CDH12: variants seen among roughly 807,000 people sequenced by gnomAD.
CDH12 encodes the protein cadherin 12.
Under a neutral mutation model 74.1 loss-of-function variants are expected in CDH12, and 41 were observed. That is an observed-to-expected ratio of 0.55 (90% CI 0.43 to 0.72). The LOEUF (loss-of-function observed/expected upper bound fraction) is 0.72. Among genes scored for constraint, CDH12 ranks in the 30% least tolerant of loss-of-function variants. The pLI is 0.00. For synonymous variants in CDH12, 399 were observed against 355.0 expected, an observed-to-expected ratio of 1.12 and a Z score of -1.39; for missense variants, 945 against 977.2, an observed-to-expected ratio of 0.97 and a Z score of 0.44.
chr5:22,774,709 T>G (rs1181165142), intron 1 of CDH12, among the ~76,000 whole-genome samples: 1 of 152,096 alleles, frequency 6.6e-6, no homozygotes, highest in Non-Finnish European at 1.5e-5. Flanking sequence ...TTGTGAGTTC[T>G]CCATTAAACC....
At chr5:22,149,506 A>G (rs1371150766) in intron 4 of CDH12, among the ~76,000 whole-genome samples, 2 of 152,170 alleles carry the variant, frequency 1.3e-5, no homozygotes, top group African/African-American at 4.8e-5. Context: ...CCCAAATTGT[A>G]TAAGTACTCA....
At chr5:22,117,464 ATATAATATATATAT>A (rs1328859590) in intron 4 of CDH12, among the ~76,000 whole-genome samples, 12 of 65,606 alleles carry the variant, frequency 1.8e-4, no homozygotes, top group African/African-American at 6.1e-4. Flanking sequence ...TATATTATAT[ATATAATATATATAT>A]TATATATATA....
At chr5:22,161,467 TG>T (rs1488211079) in intron 4 of CDH12, among the ~76,000 whole-genome samples, 2 of 152,004 alleles carry the variant, frequency 1.3e-5, no homozygotes, top group African/African-American at 4.8e-5. Context: ...GAGGCTGTAA[TG>T]GGAGGATCAC....
intron 1 of CDH12, among the ~76,000 whole-genome samples, chr5:22,512,149 T>C (rs1190838072): frequency 6.6e-6 from 1 of 152,084 alleles, no homozygotes. Flanking sequence ...TATTAGAAAA[T>C]ACAGTGAGCC....
chr5:21,903,068 C>T (rs745997088), intron 6 of CDH12, among the ~76,000 whole-genome samples: 9 of 151,820 alleles, frequency 5.9e-5, no homozygotes, highest in Non-Finnish European at 8.8e-5. Context: ...ATGAAAACAA[C>T]CATTAGGTGC....
chr5:22,442,604 A>T (rs557112319), intron 2 of CDH12, among the ~76,000 whole-genome samples: 7 of 152,288 alleles, frequency 4.6e-5, no homozygotes, highest in Admixed American at 2.6e-4. Flanking sequence ...TACCTTTGTG[A>T]TCACCCTGTT....
intron 6 of CDH12, among the ~76,000 whole-genome samples, chr5:21,856,444 T>G (rs962147301): frequency 6.6e-6 from 1 of 151,732 alleles, no homozygotes; most frequent in African/African-American, 2.4e-5. Context: ...GTTGGGTATA[T>G]TTGAGGAAAA....
intron 1 of CDH12, among the ~76,000 whole-genome samples, chr5:22,754,798 G>A (rs2127041896): frequency 6.6e-6 from 1 of 152,216 alleles, no homozygotes. Context: ...AGCTTGGAAG[G>A]AAAAAGGCTA....
At chr5:21,882,994 C>T in intron 6 of CDH12, 3 of 1,600,322 alleles carry the variant, frequency 1.9e-6, no homozygotes, top group Non-Finnish European at 1.7e-6. Context: ...AGCAAAGGTG[C>T]TAATCCAGTG....
At chr5:22,637,690 T>C (rs1431403232) in intron 1 of CDH12, among the ~76,000 whole-genome samples, 1 of 152,244 alleles carries the variant, frequency 6.6e-6, no homozygotes, top group Non-Finnish European at 1.5e-5. Context: ...TTTTCCTTCA[T>C]TTAGTGGACA....
intron 1 of CDH12, among the ~76,000 whole-genome samples, chr5:22,705,130 T>TACACAC (rs1554060406): frequency 0.01 from 1,295 of 125,590 alleles, 29 homozygotes; most frequent in African/African-American, 0.037. Context: ...TATATATATA[T>TACACAC]ACACACACAC....
chr5:22,183,497 T>G (rs1466395246), intron 4 of CDH12, among the ~76,000 whole-genome samples: 1 of 152,192 alleles, frequency 6.6e-6, no homozygotes, highest in Non-Finnish European at 1.5e-5. Flanking sequence ...TTAAAATATT[T>G]TTTTCTTATA....
chr5:21,867,841 A>T (rs995542346), intron 6 of CDH12, among the ~76,000 whole-genome samples: 1 of 152,154 alleles, frequency 6.6e-6, no homozygotes, highest in South Asian at 2.1e-4. Flanking sequence ...ATGTGAGGAC[A>T]TGATATTTAA....
At chr5:22,822,783 T>A (rs1749777797) in intron 1 of CDH12, among the ~76,000 whole-genome samples, 1 of 152,146 alleles carries the variant, frequency 6.6e-6, no homozygotes, top group Non-Finnish European at 1.5e-5. Flanking sequence ...ACACAGTTTG[T>A]GGGACTGTGA....
intron 1 of CDH12, among the ~76,000 whole-genome samples, chr5:22,549,110 TTTTG>T (rs1267332565): frequency 1.3e-5 from 2 of 150,538 alleles, no homozygotes; most frequent in South Asian, 2.1e-4. Flanking sequence ...TGGCCTAGTT[TTTTG>T]TTTGTTTATT....
chr5:22,405,927 T>C (rs1461610587), intron 2 of CDH12, among the ~76,000 whole-genome samples: 2 of 152,184 alleles, frequency 1.3e-5, no homozygotes, highest in East Asian at 3.9e-4. Flanking sequence ...AGATTACTTA[T>C]AATGCATAAT....
chr5:22,011,520 A>G (rs979980623), intron 5 of CDH12, among the ~76,000 whole-genome samples: 1 of 152,184 alleles, frequency 6.6e-6, no homozygotes, highest in Non-Finnish European at 1.5e-5. Flanking sequence ...GATCTGAATC[A>G]TGTAATTGTG....
intron 6 of CDH12, among the ~76,000 whole-genome samples, chr5:21,876,418 T>A (rs553330962): frequency 2.2e-3 from 331 of 152,328 alleles, no homozygotes; most frequent in Non-Finnish European, 3.5e-3. Flanking sequence ...AGTGACTAAA[T>A]CCTGACCATC....
intron 13 of CDH12, among the ~76,000 whole-genome samples, chr5:21,756,641 T>C (rs1298160095): frequency 6.6e-6 from 1 of 152,230 alleles, no homozygotes; most frequent in Non-Finnish European, 1.5e-5. Flanking sequence ...AATTTTGTTT[T>C]ATGAATAACA....
Sources: allele counts gnomAD v4.1 joint callset (sites outside exome capture counted in the v4.1 genomes callset), GRCh38; gene constraint gnomAD v4.1.1; transcripts MANE v1.5; gene names NCBI Gene and HGNC (gene_info 2026-07-23, HGNC 2026-07-21).